The following NKAIN2 variants were observed in gnomAD, a reference collection of about 807,000 sequenced individuals.
The protein encoded by NKAIN2 is sodium/potassium transporting ATPase interacting 2, also known as sodium/potassium-transporting ATPase subunit beta-1-interacting protein 2.
In NKAIN2, 14 loss-of-function variants were observed where a neutral mutation model predicts 32.6. The observed-to-expected ratio is 0.43, with a 90% CI of 0.28 to 0.67. NKAIN2 has a LOEUF of 0.67. Ranked by LOEUF, NKAIN2 falls within the 30% of genes least tolerant of loss-of-function variation. The pLI is 0.17. For synonymous variants in NKAIN2, 80 were observed against 87.2 expected (o/e 0.92, Z 0.46); for missense variants, 198 against 258.3 (o/e 0.77, Z 1.60).
At chr6:124,738,616 T>G (rs935133803) in intron 4 of NKAIN2, among the ~76,000 whole-genome samples, 1 of 151,890 alleles carries the variant, frequency 6.6e-6, no homozygotes, top group Non-Finnish European at 1.5e-5. Context: ...TTTACCAATA[T>G]TTTACACTGC....
At chr6:123,995,948 CAAAT>C (rs547742577) in intron 1 of NKAIN2, among the ~76,000 whole-genome samples, 217 of 152,204 alleles carry the variant, frequency 1.4e-3, no homozygotes, top group African/African-American at 5.0e-3. Flanking sequence ...CACCCATACT[CAAAT>C]AAATTTATTT....
At position 124,823,291 on chromosome 6, in the gene NKAIN2, C is replaced by A; in HGVS notation, c.*62C>A. 4 of 1,150,168 alleles carry A rather than the reference C, an allele frequency of 3.5e-6. No homozygotes were observed. Among genetic ancestry groups the A allele is most frequent in the Non-Finnish European group, 4.0e-6 (3 of 755,342 alleles). The allele number at this position is 1,150,168 out of a possible 1,614,324, so 71.2% of individuals were successfully genotyped here. ...CAAAGAACTTTTTTCGCAGTGGCCT[C>A]CTGCATTTCATGAAGAGCAAGAAGC... is the stretch of plus-strand genomic sequence containing the variant. On this transcript the variant is annotated 3_prime_UTR_variant, in exon 7 of 7. Transcript: ENST00000368417.
intron 6 of NKAIN2, among the ~76,000 whole-genome samples, chr6:124,820,917 A>C (rs1267789114): frequency 6.6e-6 from 1 of 152,184 alleles, no homozygotes; most frequent in Non-Finnish European, 1.5e-5. Flanking sequence ...TCTTCCACAA[A>C]ACCAGTCTCT....
At chr6:124,346,489 C>A (rs1341415728) in intron 2 of NKAIN2, among the ~76,000 whole-genome samples, 1 of 152,080 alleles carries the variant, frequency 6.6e-6, no homozygotes, top group Non-Finnish European at 1.5e-5. Context: ...GTAGGTCACT[C>A]AGGACTTGCT....
chr6:124,072,457 AAAAG>A lies in NKAIN2; in HGVS notation c.55-210546_55-210543del, dbSNP rs200494818. Among the ~76,000 whole-genome samples the A allele has an allele frequency of 9.7e-3, 1,480 of 152,280 alleles. 21 individuals are homozygous for A. Among genetic ancestry groups the A allele is most frequent in the African/African-American group, 0.034 (1,413 of 41,566 alleles). Reference sequence around the variant, plus strand: ...ACCTGCACGTGTACCCCCTGAATCTAAAAGAGAAGTTGAAATTATTTTAAAAAAT... The same window carrying A: ...ACCTGCACGTGTACCCCCTGAATCTAAGAAGTTGAAATTATTTTAAAAAAT... On this transcript the variant is annotated intron_variant, in intron 1 of 6. Coordinates refer to ENST00000368417, the MANE Select transcript of NKAIN2 (RefSeq NM_001040214.3).
chr6:124,029,497 A>T (rs746715870), intron 1 of NKAIN2, among the ~76,000 whole-genome samples: 30 of 152,180 alleles, frequency 2.0e-4, no homozygotes, highest in Non-Finnish European at 3.8e-4. Context: ...TGTAAATTTG[A>T]TAAAGAAAGA....
At chr6:124,229,340 T>A (rs2208785) in intron 1 of NKAIN2, among the ~76,000 whole-genome samples, 105,760 of 152,074 alleles carry the variant, frequency 0.7, 37,026 homozygotes, top group South Asian at 0.76. Flanking sequence ...GCCATGAAGA[T>A]ATATGGACTA....
intron 1 of NKAIN2, among the ~76,000 whole-genome samples, chr6:123,821,547 T>TA (rs1340386315): frequency 2.6e-5 from 4 of 152,202 alleles, no homozygotes; most frequent in Non-Finnish European, 4.4e-5. Flanking sequence ...ATAGACCCTG[T>TA]AACGTTACCT....
chr6:124,292,703 A>C (rs1795875687), intron 2 of NKAIN2, among the ~76,000 whole-genome samples: 1 of 152,052 alleles, frequency 6.6e-6, no homozygotes, highest in African/African-American at 2.4e-5. Context: ...GAAAAATGAT[A>C]TTTATGGAGA....
At chr6:124,219,709 AG>A (rs1236852811) in intron 1 of NKAIN2, among the ~76,000 whole-genome samples, 1 of 152,184 alleles carries the variant, frequency 6.6e-6, no homozygotes, top group Non-Finnish European at 1.5e-5. Flanking sequence ...GAGAACCTAT[AG>A]GAAGAAGGTA....
intron 4 of NKAIN2, among the ~76,000 whole-genome samples, chr6:124,659,708 T>G (rs1345535266): frequency 6.6e-6 from 1 of 151,980 alleles, no homozygotes; most frequent in African/African-American, 2.4e-5. Context: ...AAAGTAATAA[T>G]AGCTGTGGAG....
Position 124,627,099 on chromosome 6 carries a change from G to A in NKAIN2, c.274-31087G>A, listed in dbSNP as rs560837157. Among the ~76,000 whole-genome samples the A allele has an allele frequency of 2.2e-4, 34 of 152,098 alleles. 1 individual carries two copies. The highest frequency in any genetic ancestry group is 7.0e-4 in the African/African-American group (29 of 41,502). On this transcript the variant is annotated intron_variant, in intron 3 of 6. Transcript: ENST00000368417. ...AGCCTGGCCATGATGGCAAAATTCC[G>A]TCTCTACTAAAAATACAAAAATTAG...
At chr6:124,701,186 C>T (rs1234597307) in intron 4 of NKAIN2, among the ~76,000 whole-genome samples, 1 of 151,098 alleles carries the variant, frequency 6.6e-6, no homozygotes, top group Non-Finnish European at 1.5e-5. Flanking sequence ...CACCGGATGA[C>T]ATACATATAA....
intron 1 of NKAIN2, among the ~76,000 whole-genome samples, chr6:123,882,615 A>G (rs963198575): frequency 1.3e-5 from 2 of 152,174 alleles, no homozygotes; most frequent in African/African-American, 4.8e-5. Context: ...AATAACTTAC[A>G]TTTGAGTGAA....
chr6:124,127,887 C>T (rs1407770202), intron 1 of NKAIN2, among the ~76,000 whole-genome samples: 3 of 151,886 alleles, frequency 2.0e-5, no homozygotes, highest in African/African-American at 4.8e-5. Flanking sequence ...GAGTGCAGTG[C>T]GCGATCTTGG....
intron 1 of NKAIN2, among the ~76,000 whole-genome samples, chr6:124,101,586 G>A (rs1360457257): frequency 6.6e-6 from 1 of 151,608 alleles, no homozygotes; most frequent in African/African-American, 2.4e-5. Context: ...TTGTTTGTTT[G>A]TTTTTGCTGT....
At chr6:124,055,068 C>G (rs552690638) in intron 1 of NKAIN2, among the ~76,000 whole-genome samples, 13 of 152,038 alleles carry the variant, frequency 8.6e-5, no homozygotes, top group Admixed American at 5.9e-4. Flanking sequence ...ATTTCAAATA[C>G]TATATCACCT....
rs539723541 is a variant in NKAIN2, at chr6:124,177,406, A to T, written c.55-105599A>T. Among the ~76,000 whole-genome samples, 26 of 152,218 alleles carry T rather than the reference A, an allele frequency of 1.7e-4. No individual in the cohort carries two copies. In the South Asian group the frequency reaches 4.4e-3, roughly 25 times the overall value. On this transcript the variant is annotated intron_variant, in intron 1 of 6. Transcript: ENST00000368417. ...TAAACTTCTGGTATAATCCTGTGAC[A>T]TTTCTGTAAATGACTACCACTGGAA...
chr6:124,252,536 T>C (rs1347783786), intron 1 of NKAIN2, among the ~76,000 whole-genome samples: 1 of 152,110 alleles, frequency 6.6e-6, no homozygotes, highest in Non-Finnish European at 1.5e-5. Flanking sequence ...TTAGTCTTGA[T>C]AGATATTTTC....
Sources: allele counts gnomAD v4.1 joint callset (sites outside exome capture counted in the v4.1 genomes callset), GRCh38; gene constraint gnomAD v4.1.1; transcripts MANE v1.5; gene names NCBI Gene and HGNC (gene_info 2026-07-23, HGNC 2026-07-21).